Variants in FYN observed in about 807,000 individuals in gnomAD.
The protein encoded by FYN is FYN proto-oncogene, Src family tyrosine kinase.
In FYN, 10 loss-of-function variants were observed where a neutral mutation model predicts 70.2. The ratio of observed to expected loss-of-function variants is 0.14; its 90% CI spans 0.09 to 0.24. The LOEUF (loss-of-function observed/expected upper bound fraction) is 0.24, where lower values mean the gene tolerates loss of function less well. FYN is among the 10% of genes least tolerant of loss of function. FYN has a pLI of 1.00. For missense variants in FYN, 319 were observed against 673.1 expected, an observed-to-expected ratio of 0.47 and a Z score of 5.82; for synonymous variants, 236 against 248.6, an observed-to-expected ratio of 0.95 and a Z score of 0.48.
chr6:111,693,189 T>C (rs1426723860), intron 12 of FYN, among the ~76,000 whole-genome samples: 1 of 152,062 alleles, frequency 6.6e-6, no homozygotes, highest in African/African-American at 2.4e-5. Context: ...AGAGGATAAT[T>C]GGCATGAAAT....
At chr6:111,802,722 C>T (rs2114254322) in intron 2 of FYN, among the ~76,000 whole-genome samples, 1 of 152,018 alleles carries the variant, frequency 6.6e-6, no homozygotes, top group South Asian at 2.1e-4. Context: ...AGCCACCGTG[C>T]CTGGTCCCAA....
chr6:111,703,902 T>C (rs1799951614), intron 7 of FYN, 97 bp downstream of exon 7: 1 of 956,846 alleles, frequency 1.0e-6, no homozygotes, highest in East Asian at 2.5e-5. Flanking sequence ...GTATGTGCCA[T>C]TTTAAAATCC....
At chr6:111,787,422 T>C (rs1041714012) in intron 2 of FYN, among the ~76,000 whole-genome samples, 9 of 152,266 alleles carry the variant, frequency 5.9e-5, no homozygotes, top group African/African-American at 1.9e-4. Flanking sequence ...TCCATTGGTC[T>C]ATATCTCTGT....
chr6:111,671,778 G>A (rs1277559757), intron 13 of FYN, among the ~76,000 whole-genome samples: 1 of 152,142 alleles, frequency 6.6e-6, no homozygotes, highest in African/African-American at 2.4e-5. Context: ...TGCCTTCACA[G>A]TGACATCTGA....
rs1205804884 is a variant in FYN at position 111,666,600 on chromosome 6, A to G, written c.1406-4653T>C. Among the ~76,000 whole-genome samples the G allele has an allele frequency of 4.6e-5, 7 of 152,312 alleles. No individual in the cohort carries two copies. The East Asian group carries it at 1.4e-3, about 29-fold the overall frequency. ...ACACCTCCAGCACTTCGGGAAGCTG[A>G]GGCAGGCAGACCGCTTGAGCTCAGG... On this transcript the variant is annotated intron_variant, in intron 13 of 13. Coordinates refer to ENST00000354650, the MANE Select transcript of FYN (RefSeq NM_002037.5).
At chr6:111,752,594 T>C (rs1026536441) in intron 3 of FYN, among the ~76,000 whole-genome samples, 1 of 152,158 alleles carries the variant, frequency 6.6e-6, no homozygotes, top group African/African-American at 2.4e-5. Context: ...CAGGGAGGCA[T>C]GGAAGACATT....
intron 3 of FYN, among the ~76,000 whole-genome samples, chr6:111,779,792 G>A (rs1000319354): frequency 2.0e-5 from 3 of 152,152 alleles, no homozygotes; most frequent in Non-Finnish European, 4.4e-5. Context: ...GACTTCAATG[G>A]GAAATGTCTA....
chr6:111,760,673 G>A (rs1802968081), intron 3 of FYN, among the ~76,000 whole-genome samples: 1 of 152,232 alleles, frequency 6.6e-6, no homozygotes, highest in Admixed American at 6.5e-5. Flanking sequence ...GGAGTTGCAC[G>A]GAGCCCAGGC....
intron 5 of FYN, among the ~76,000 whole-genome samples, chr6:111,709,756 G>A (rs916105340): frequency 3.3e-5 from 5 of 152,088 alleles, no homozygotes; most frequent in African/African-American, 9.7e-5. Context: ...TATGAACCCC[G>A]TGAACCCACT....
At chr6:111,750,348 C>T (rs1802428593) in intron 3 of FYN, among the ~76,000 whole-genome samples, 1 of 152,112 alleles carries the variant, frequency 6.6e-6, no homozygotes, top group Non-Finnish European at 1.5e-5. Flanking sequence ...TCTCCTAGCC[C>T]TCTCTCCTGC....
intron 1 of FYN, among the ~76,000 whole-genome samples, chr6:111,860,148 CAG>C (rs1486672248): frequency 4.6e-5 from 7 of 152,094 alleles, no homozygotes; most frequent in African/African-American, 1.4e-4. Context: ...AGGACTATGA[CAG>C]AAAATGTTCT....
intron 3 of FYN, among the ~76,000 whole-genome samples, chr6:111,753,283 T>C (rs9398281): frequency 0.12 from 18,389 of 152,162 alleles, 1,863 homozygotes; most frequent in African/African-American, 0.28. Flanking sequence ...ATTTCAGTAA[T>C]GCATTATCCA....
intron 2 of FYN, among the ~76,000 whole-genome samples, chr6:111,826,934 ACC>A (rs1772853265): frequency 6.6e-6 from 1 of 152,150 alleles, no homozygotes; most frequent in African/African-American, 2.4e-5. Context: ...TTAGAAAGGG[ACC>A]TTTAGAGATG....
chr6:111,674,747 CAGAA>C, intron 12 of FYN, 117 bp from the exon 13 acceptor site: 1 of 1,120,354 alleles, frequency 8.9e-7, no homozygotes, highest in South Asian at 1.6e-5. Context: ...GAGGGGAAGA[CAGAA>C]AGGAGGTGAA....
At chr6:111,665,253 T>C (rs1249561013) in intron 13 of FYN, among the ~76,000 whole-genome samples, 1 of 152,242 alleles carries the variant, frequency 6.6e-6, no homozygotes, top group Non-Finnish European at 1.5e-5. Context: ...TTGGTGCATT[T>C]TGAATTTCAT....
chr6:111,669,602 CAGA>C (rs1233642142), intron 13 of FYN, among the ~76,000 whole-genome samples: 1 of 152,032 alleles, frequency 6.6e-6, no homozygotes, highest in East Asian at 1.9e-4. Context: ...GTCAATTTTC[CAGA>C]AGAACTTTGA....
At chr6:111,795,030 T>A (rs1460959964) in intron 2 of FYN, among the ~76,000 whole-genome samples, 1 of 152,182 alleles carries the variant, frequency 6.6e-6, no homozygotes, top group Non-Finnish European at 1.5e-5. Context: ...CCGAGTCAAT[T>A]CAATGGGTCA....
At chr6:111,696,489 A>C (rs934133932) in intron 9 of FYN, 33 bp from the exon 10 acceptor site, 1 of 1,491,142 alleles carries the variant, frequency 6.7e-7, no homozygotes, top group Non-Finnish European at 9.0e-7. Context: ...AGTCAAACCA[A>C]AGATCTTCTT....
chr6:111,833,444 C>T (rs1773082308), intron 2 of FYN, among the ~76,000 whole-genome samples: 1 of 152,176 alleles, frequency 6.6e-6, no homozygotes, highest in African/African-American at 2.4e-5. Context: ...AGAAACGGCA[C>T]ATTTACATGC....
Sources: gnomAD v4.1 joint callset for allele counts (sites outside exome capture counted in the v4.1 genomes callset) on GRCh38, gnomAD v4.1.1 for gene constraint, MANE v1.5 for transcripts, NCBI Gene and HGNC (gene_info 2026-07-23, HGNC 2026-07-21) for gene names.